The following THSD4 variants were observed in gnomAD, a reference collection of about 807,000 sequenced individuals.
The protein encoded by THSD4 is thrombospondin type-1 domain-containing protein 4.
Under a neutral mutation model 119.0 loss-of-function variants are expected in THSD4, and 69 were observed. The observed-to-expected ratio is 0.58, with a 90% CI of 0.48 to 0.71. The LOEUF (loss-of-function observed/expected upper bound fraction) is 0.71. Among genes scored for constraint, THSD4 ranks in the 30% least tolerant of loss-of-function variants. The pLI, the probability that THSD4 is intolerant of heterozygous loss-of-function variation, is 0.00. For synonymous variants in THSD4, 524 were observed against 540.4 expected (o/e 0.97, Z 0.42); for missense variants, 1,393 against 1,391.1 (o/e 1.00, Z -0.02).
intron 8 of THSD4, among the ~76,000 whole-genome samples, chr15:71,722,355 C>A (rs2052738585): frequency 1.3e-5 from 2 of 152,100 alleles, no homozygotes; most frequent in Non-Finnish European, 2.9e-5. Context: ...TAACCCAAAC[C>A]TTTAGAGAGA....
intron 1 of THSD4, among the ~76,000 whole-genome samples, chr15:71,123,007 G>T (rs1206502900): frequency 6.6e-6 from 1 of 152,202 alleles, no homozygotes; most frequent in Non-Finnish European, 1.5e-5. Context: ...ACAGGTGCTT[G>T]TTTTCTGCCT....
At chr15:71,119,434 G>A (rs1567130678) in intron 1 of THSD4, among the ~76,000 whole-genome samples, 2 of 152,158 alleles carry the variant, frequency 1.3e-5, no homozygotes, top group Admixed American at 6.5e-5. Context: ...CAGGTGGTGG[G>A]TTAATACGCC....
At chr15:71,562,329 G>C (rs1290207478) in intron 7 of THSD4, among the ~76,000 whole-genome samples, 1 of 152,186 alleles carries the variant, frequency 6.6e-6, no homozygotes, top group East Asian at 1.9e-4. Flanking sequence ...TTGCGCTATA[G>C]AGATGGTTAG....
upstream of THSD4, chr15:71,111,154 T>C: frequency 6.2e-7 from 1 of 1,608,410 alleles, no homozygotes; most frequent in Non-Finnish European, 8.5e-7. Flanking sequence ...AACCTTCCTA[T>C]CTCCTCTGAC....
At chr15:71,520,885 G>A (rs551871934) in intron 7 of THSD4, among the ~76,000 whole-genome samples, 14 of 152,178 alleles carry the variant, frequency 9.2e-5, no homozygotes, top group Non-Finnish European at 1.9e-4. Context: ...ATGTTTGCTA[G>A]GTTTGGGGCA....
intron 7 of THSD4, among the ~76,000 whole-genome samples, chr15:71,654,804 G>A (rs189983132): frequency 2.4e-4 from 37 of 152,214 alleles, no homozygotes; most frequent in African/African-American, 8.7e-4. Context: ...TACCTGTGGG[G>A]GTCATCTAGC....
intron 6 of THSD4, among the ~76,000 whole-genome samples, chr15:71,303,201 A>G (rs568141164): frequency 1.3e-4 from 20 of 152,108 alleles, no homozygotes; most frequent in Non-Finnish European, 2.8e-4. Context: ...GCACAGAATG[A>G]CTGTGCACAG....
chr15:71,128,417 C>T (rs567726336), intron 1 of THSD4, among the ~76,000 whole-genome samples: 1 of 151,236 alleles, frequency 6.6e-6, no homozygotes, highest in African/African-American at 2.4e-5. Flanking sequence ...ATCCCAGCTA[C>T]TTGGACGGCT....
chr15:71,654,159 A>C (rs1003177790), intron 7 of THSD4, among the ~76,000 whole-genome samples: 5 of 152,222 alleles, frequency 3.3e-5, no homozygotes, highest in African/African-American at 1.2e-4. Context: ...CTTTATTTAT[A>C]AAAACAGGTT....
At chr15:71,109,178 G>C (rs967307593) in intron 1 of THSD4, among the ~76,000 whole-genome samples, 3 of 152,194 alleles carry the variant, frequency 2.0e-5, no homozygotes, top group Non-Finnish European at 4.4e-5. Context: ...AGCCATTTCA[G>C]GGTCACCCAC....
intron 3 of THSD4, among the ~76,000 whole-genome samples, chr15:71,208,624 G>A (rs1233568610): frequency 6.6e-6 from 1 of 151,712 alleles, no homozygotes; most frequent in Non-Finnish European, 1.5e-5. Flanking sequence ...TGATAATCCT[G>A]CCTCACCCTC....
intron 6 of THSD4, among the ~76,000 whole-genome samples, chr15:71,353,184 C>T (rs923821590): frequency 3.3e-5 from 5 of 152,148 alleles, no homozygotes; most frequent in African/African-American, 9.7e-5. Context: ...AGAAGGAGTG[C>T]GTCTACACTT....
chr15:71,306,142 C>T (rs1477158755), intron 6 of THSD4, among the ~76,000 whole-genome samples: 1 of 151,832 alleles, frequency 6.6e-6, no homozygotes, highest in Admixed American at 6.6e-5. Context: ...CTCTTCTCTA[C>T]TAAAAATGCA....
At chr15:71,488,119 A>T (rs917135828) in intron 7 of THSD4, among the ~76,000 whole-genome samples, 1 of 152,192 alleles carries the variant, frequency 6.6e-6, no homozygotes, top group Non-Finnish European at 1.5e-5. Context: ...CTTCAGCAGG[A>T]TGCAAGCTCT....
In THSD4 at chr15:71,141,571, T is replaced by A. The variant is rs759456515; in HGVS notation, c.29+15T>A. Reference sequence around the variant, plus strand: ...GGGTCTCTCAGGTAAGTGAAGAAACTTTTTTTAAAAAAACAGGAGAATAAG... The same window carrying A: ...GGGTCTCTCAGGTAAGTGAAGAAACATTTTTTAAAAAAACAGGAGAATAAG... On this transcript the variant is annotated intron_variant, in intron 2 of 17. Coordinates refer to ENST00000261862, the MANE Select transcript of THSD4 (RefSeq NM_024817.3). 9 of 1,602,558 alleles carry A rather than the reference T, an allele frequency of 5.6e-6. No homozygotes were observed. In the African/African-American group the frequency reaches 9.4e-5, roughly 17 times the overall value.
chr15:71,295,226 T>C (rs1055960800), intron 6 of THSD4, among the ~76,000 whole-genome samples: 5 of 152,086 alleles, frequency 3.3e-5, no homozygotes, highest in African/African-American at 1.2e-4. Flanking sequence ...ATCGGCTTTG[T>C]TTACAGATGG....
chr15:71,282,876 T>TAA (rs779648570), intron 6 of THSD4, among the ~76,000 whole-genome samples: 5 of 152,106 alleles, frequency 3.3e-5, no homozygotes, highest in Non-Finnish European at 4.4e-5. Context: ...GTAGTCACAA[T>TAA]AATACTTACA....
chr15:71,352,920 A>G (rs923874985), intron 6 of THSD4, among the ~76,000 whole-genome samples: 3 of 152,254 alleles, frequency 2.0e-5, no homozygotes, highest in African/African-American at 7.2e-5. Flanking sequence ...ATCGTGAGCA[A>G]TGGCTCACAA....
intron 1 of THSD4, among the ~76,000 whole-genome samples, chr15:71,101,893 T>C (rs2040255146): frequency 1.3e-5 from 2 of 152,106 alleles, no homozygotes; most frequent in Admixed American, 1.3e-4. Flanking sequence ...TTTTGTATTT[T>C]CGTAGAGACG....
Sources: gnomAD v4.1 joint callset for allele counts (sites outside exome capture counted in the v4.1 genomes callset) on GRCh38, gnomAD v4.1.1 for gene constraint, MANE v1.5 for transcripts, NCBI Gene and HGNC (gene_info 2026-07-23, HGNC 2026-07-21) for gene names.